Variants in LRRC43 observed in about 807,000 individuals in gnomAD.
LRRC43 encodes leucine-rich repeat-containing protein 43.
In LRRC43, 62 loss-of-function variants were observed where a neutral mutation model predicts 64.3. That is an observed-to-expected ratio of 0.96 (90% CI 0.79 to 1.19). The LOEUF is 1.19. Among genes scored for constraint, LRRC43 ranks in the 50% most tolerant of loss-of-function variants. The pLI, the probability that LRRC43 is intolerant of heterozygous loss-of-function variation, is 0.00. For missense variants in LRRC43, 868 were observed against 845.0 expected, an observed-to-expected ratio of 1.03 and a Z score of -0.34; for synonymous variants, 422 against 382.3, an observed-to-expected ratio of 1.10 and a Z score of -1.21.
chr12:122,180,769 C>T (rs147279046), upstream of LRRC43, among the ~76,000 whole-genome samples: 64 of 152,292 alleles, frequency 4.2e-4, 2 homozygotes, highest in East Asian at 0.012. Context: ...TGGACCTTAA[C>T]TTGTTCCAAA....
chr12:122,174,902 G>A (rs965043628), intron 1 of LRRC43, among the ~76,000 whole-genome samples: 7 of 150,534 alleles, frequency 4.7e-5, no homozygotes, highest in Middle Eastern at 6.4e-3. Flanking sequence ...GTGCGGTGGC[G>A]TGATCACTGC....
rs756328359 is a variant in LRRC43, at chr12:122,201,307, G to C, written c.1821G>C (p.Lys607Asn). 2 of 1,613,976 alleles carry C rather than the reference G, an allele frequency of 1.2e-6. No individual in the cohort carries two copies. Among genetic ancestry groups the C allele is most frequent in the Non-Finnish European group, 1.7e-6 (2 of 1,179,958 alleles). ...GTTCTTTCTCTCAGGATTCAAAGAA[G>C]ATTAAGAAAGTTGCCAAAAAAGGTG... ...DRLTLARDSK[K>N]IKKVAKKEKP... is the part of the protein sequence containing the mutation. The change falls in exon 11 of 12, where the codon AAG becomes AAC. Residue 607 changes from lysine to asparagine, a missense_variant. Coordinates refer to ENST00000339777, the MANE Select transcript of LRRC43 (RefSeq NM_001098519.2).
intron 5 of LRRC43, 124 bp from the exon 6 acceptor site, chr12:122,191,256 C>T: frequency 2.6e-6 from 2 of 777,146 alleles, no homozygotes; most frequent in Non-Finnish European, 4.1e-6. Context: ...CCTGACCGCC[C>T]CACCAAGGCT....
chr12:122,182,288 C>T (rs1953588172), upstream of LRRC43, among the ~76,000 whole-genome samples: 1 of 151,962 alleles, frequency 6.6e-6, no homozygotes, highest in Non-Finnish European at 1.5e-5. Context: ...CTTGGGGAGA[C>T]CGAGGTGGGT....
At chr12:122,188,171 A>T (rs1407844454) in intron 4 of LRRC43, among the ~76,000 whole-genome samples, 1 of 152,070 alleles carries the variant, frequency 6.6e-6, no homozygotes, top group Non-Finnish European at 1.5e-5. Context: ...CATTGGCGCC[A>T]TCTCTGCTCA....
upstream of LRRC43, among the ~76,000 whole-genome samples, chr12:122,181,693 C>A (rs1480254579): frequency 6.7e-6 from 1 of 149,960 alleles, no homozygotes; most frequent in Non-Finnish European, 1.5e-5. Flanking sequence ...GCAACCTCCG[C>A]CTCCTGGGTT....
Position 122,191,129 on chromosome 12 carries a change from G to C in LRRC43, c.902-251G>C, listed in dbSNP as rs576077625. 2.0e-5 allele frequency among the ~76,000 whole-genome samples: 3 copies of C among 152,282 alleles called. No individual in the cohort carries two copies. In the South Asian group the frequency reaches 6.2e-4, roughly 32 times the overall value. On this transcript the variant is annotated intron_variant, in intron 5 of 11. Transcript: ENST00000339777. ...ACTGTGACGTGCTAGATAATGCTAAGGTGACCTGCAGAGTAGCCCTTATCA... is the reference window on the plus strand; with the variant it reads ...ACTGTGACGTGCTAGATAATGCTAACGTGACCTGCAGAGTAGCCCTTATCA...
chr12:122,184,596 C>T lies in LRRC43; in HGVS notation c.228C>T (p.Pro76=), dbSNP rs767289151. ...CCAGAGAGGAGGATGTGGTGAGCCC[C>T]GGAGAGGAGACGGTGGAGGCCCTGC... ...LVPREEDVVS[P]GEETVEALLG... Residue 76 remains proline, a synonymous_variant, in exon 2 of 12, where the codon CCC becomes CCT. Transcript: ENST00000339777. This position sits in a 1 kb window ranked among gnomAD's most constrained non-coding sequence, Gnocchi z 4.0. The T allele has an allele frequency of 1.6e-5, 26 of 1,613,688 alleles. No individual in the cohort carries two copies. Among genetic ancestry groups the T allele is most frequent in the Middle Eastern group, 1.6e-4 (1 of 6,078 alleles).
upstream of LRRC43, chr12:122,183,065 C>A: frequency 6.8e-7 from 1 of 1,472,860 alleles, no homozygotes; most frequent in Non-Finnish European, 8.9e-7. Context: ...ACTTTTCCCT[C>A]GGGGCAGGTG....
intron 1 of LRRC43, chr12:122,174,100 C>T: frequency 1.2e-6 from 2 of 1,614,032 alleles, no homozygotes; most frequent in Non-Finnish European, 1.7e-6. Flanking sequence ...CTTCCAGAAT[C>T]TTCCTGGTGA....
Position 122,191,425 on chromosome 12 carries a change from T to C in LRRC43, c.947T>C (p.Ile316Thr), listed in dbSNP as rs564415241. Residue 316 changes from isoleucine (I) to threonine (T), a missense_variant, in exon 6 of 12, where the codon ATC becomes ACC. Physicochemically the swap from Ile to Thr is moderately conservative, Grantham distance 89 (BLOSUM62 -1). Transcript: ENST00000339777. Reference protein sequence around the residue: ...EAQFVVTIGNIRGVLDTSVLD... With the variant: ...EAQFVVTIGNTRGVLDTSVLD... ...CAGTTTGTGGTGACCATCGGAAACA[T>C]CAGAGGAGTCCTGGACACCTCTGTC... The C allele has an allele frequency of 8.7e-6, 14 of 1,613,868 alleles. 1 individual carries two copies. Among genetic ancestry groups the C allele is most frequent in the Non-Finnish European group, 1.0e-5 (12 of 1,179,946 alleles).
chr12:122,189,277 C>T (rs757967790), intron 4 of LRRC43: 2 of 363,712 alleles, frequency 5.5e-6, no homozygotes, highest in Admixed American at 6.9e-5. Context: ...TCTCTCCTTC[C>T]CCCGAGGAAC....
At chr12:122,185,371 G>A (rs187369850) in intron 2 of LRRC43, among the ~76,000 whole-genome samples, 1 of 152,254 alleles carries the variant, frequency 6.6e-6, no homozygotes, top group African/African-American at 2.4e-5. Flanking sequence ...GCTACTCAGA[G>A]GCTTAGGCAG....
chr12:122,192,550 CT>C (rs1226493419), intron 6 of LRRC43, among the ~76,000 whole-genome samples, 194 bp from the exon 7 acceptor site: 4 of 152,202 alleles, frequency 2.6e-5, no homozygotes, highest in Non-Finnish European at 5.9e-5. Flanking sequence ...GTGGTTCTTG[CT>C]TTTACTCTTA....
chr12:122,186,516 A>C (rs1329130006), intron 3 of LRRC43, among the ~76,000 whole-genome samples: 1 of 152,232 alleles, frequency 6.6e-6, no homozygotes, highest in Admixed American at 6.5e-5. Context: ...AACTGAAGAC[A>C]GGGATTTAGC....
At chr12:122,193,244 G>A (rs987741127) in intron 7 of LRRC43, among the ~76,000 whole-genome samples, 3 of 151,910 alleles carry the variant, frequency 2.0e-5, no homozygotes, top group Admixed American at 2.0e-4. Context: ...AGCCAGGCGT[G>A]GTGGCAGGCG....
In LRRC43 at chr12:122,186,288, C is replaced by G. The variant is rs1302696622; in HGVS notation, c.510C>G (p.Pro170=). The stretch of plus-strand genomic sequence containing the variant: ...AGGAGGTGGATGCCACCAATCTGCC[C>G]CCCACACTCAAGGTGAAGGAGCCCC... ...RIKEVDATNL[P]PTLKVLELYG... Residue 170 remains proline, a synonymous_variant, in exon 3 of 12, where the codon CCC becomes CCG. Coordinates refer to ENST00000339777, the MANE Select transcript of LRRC43 (RefSeq NM_001098519.2). 2 of 1,597,958 alleles carry G rather than the reference C, an allele frequency of 1.3e-6. No homozygotes were observed. Among genetic ancestry groups the G allele is most frequent in the Non-Finnish European group, 1.7e-6 (2 of 1,172,094 alleles).
At chr12:122,196,547 C>T (rs1953774443) in intron 7 of LRRC43, among the ~76,000 whole-genome samples, 1 of 152,162 alleles carries the variant, frequency 6.6e-6, no homozygotes, top group African/African-American at 2.4e-5. Context: ...GCAGGCAGAT[C>T]ACTTGAGGTC....
Position 122,183,140 on chromosome 12 carries a change from G to A in LRRC43, c.-5G>A. The A allele has an allele frequency of 1.3e-6, 2 of 1,538,504 alleles. No individual in the cohort carries two copies. Among genetic ancestry groups the A allele is most frequent in the Non-Finnish European group, 8.7e-7 (1 of 1,148,478 alleles). On this transcript the variant is annotated 5_prime_UTR_variant, in exon 1 of 12. Coordinates refer to ENST00000339777, the MANE Select transcript of LRRC43 (RefSeq NM_001098519.2). ...TAGCGGTTGCCGGGCAACGCGGCCCGGGCCATGGAGGCGTCGTACGAGTCC... is the reference window on the plus strand; with the variant it reads ...TAGCGGTTGCCGGGCAACGCGGCCCAGGCCATGGAGGCGTCGTACGAGTCC...
Sources: gnomAD v4.1 joint callset for allele counts (sites outside exome capture counted in the v4.1 genomes callset) on GRCh38, gnomAD v4.1.1 for gene constraint, Gnocchi (gnomAD v3.1) non-coding constraint, MANE v1.5 for transcripts, NCBI Gene and HGNC (gene_info 2026-07-23, HGNC 2026-07-21) for gene names.